Variants in CALD1 observed in about 807,000 individuals in gnomAD.
The protein encoded by CALD1 is caldesmon 1.
Under a neutral mutation model 99.9 loss-of-function variants are expected in CALD1, and 33 were observed. The observed-to-expected ratio is 0.33, with a 90% CI of 0.25 to 0.44. The LOEUF is 0.44. Ranked by LOEUF, CALD1 falls within the 20% of genes least tolerant of loss-of-function variation. The pLI is 1.00. For synonymous variants in CALD1, 310 were observed against 325.0 expected, an observed-to-expected ratio of 0.95 and a Z score of 0.50; for missense variants, 861 against 962.1, an observed-to-expected ratio of 0.89 and a Z score of 1.39.
chr7:134,861,317 G>A (rs940174220), intron 2 of CALD1, among the ~76,000 whole-genome samples: 3 of 152,186 alleles, frequency 2.0e-5, no homozygotes, highest in African/African-American at 7.2e-5. Flanking sequence ...CAAGGTAAGC[G>A]ATGATCATTG....
At chr7:134,821,767 G>A (rs112747161) in intron 1 of CALD1, among the ~76,000 whole-genome samples, 3 of 151,926 alleles carry the variant, frequency 2.0e-5, no homozygotes, top group African/African-American at 7.3e-5. Context: ...ATTTTTAGTA[G>A]AGATGGGGTT....
chr7:134,751,926 A>T (rs1030612750), intron 1 of CALD1, among the ~76,000 whole-genome samples: 3 of 152,160 alleles, frequency 2.0e-5, no homozygotes, highest in African/African-American at 7.2e-5. Context: ...CAGTGAGCCG[A>T]GATCGTGCCA....
chr7:134,766,923 TA>T (rs1412894866), intron 1 of CALD1, among the ~76,000 whole-genome samples: 2 of 152,106 alleles, frequency 1.3e-5, no homozygotes, highest in African/African-American at 2.4e-5. Context: ...GGCTGCTTCA[TA>T]AACTAATCAT....
intron 3 of CALD1, among the ~76,000 whole-genome samples, chr7:134,889,772 T>A (rs1294329902): frequency 6.6e-6 from 1 of 152,216 alleles, no homozygotes; most frequent in Non-Finnish European, 1.5e-5. Context: ...GCTACTTTCA[T>A]CAATATATGT....
rs765356405 is a variant in CALD1, at chr7:134,947,739, G to A, written c.1764G>A (p.Gln588=). The A allele has an allele frequency of 6.8e-6, 11 of 1,614,026 alleles. No individual in the cohort carries two copies. The highest frequency in any genetic ancestry group is 3.3e-4 in the Middle Eastern group (2 of 6,022). Residue 588 remains glutamine, a synonymous_variant, in exon 8 of 15, where the codon CAG becomes CAA. Transcript: ENST00000361675. ...AGGAGGAAGAGCAGAGGAGGAAGCA[G>A]GAGGAAGCCGATCGAAAACTCAGAG... The part of the protein sequence containing the change: ...VLEEEEQRRK[Q]EEADRKLREE...
chr7:134,938,248 C>T (rs1256237587), intron 6 of CALD1, among the ~76,000 whole-genome samples: 1 of 152,162 alleles, frequency 6.6e-6, no homozygotes, highest in Admixed American at 6.5e-5. Flanking sequence ...AGTAGCTACA[C>T]CCAGCTCTTG....
At chr7:134,757,466 A>G (rs1796739628) in intron 1 of CALD1, among the ~76,000 whole-genome samples, 1 of 152,210 alleles carries the variant, frequency 6.6e-6, no homozygotes, top group African/African-American at 2.4e-5. Flanking sequence ...TGAAGACCTC[A>G]TTCCACAGAC....
chr7:134,813,735 G>A (rs1192576944), intron 1 of CALD1, among the ~76,000 whole-genome samples: 1 of 152,198 alleles, frequency 6.6e-6, no homozygotes, highest in Non-Finnish European at 1.5e-5. Flanking sequence ...GACTTGCCAG[G>A]TAGCACTAAG....
chr7:134,722,052 G>A, the CALD1 span, among the ~76,000 whole-genome samples: 13 of 152,242 alleles, frequency 8.5e-5, no homozygotes, highest in South Asian at 2.1e-4. Flanking sequence ...CTAGAGCACA[G>A]CTAAAACATT....
intron 4 of CALD1, among the ~76,000 whole-genome samples, chr7:134,931,376 G>C (rs1805511313): frequency 6.6e-6 from 1 of 152,116 alleles, no homozygotes; most frequent in African/African-American, 2.4e-5. Context: ...CCCCTCTATA[G>C]ACTTCCCCTT....
intron 7 of CALD1, among the ~76,000 whole-genome samples, chr7:134,943,059 G>C (rs1806577842): frequency 6.6e-6 from 1 of 152,102 alleles, no homozygotes; most frequent in Non-Finnish European, 1.5e-5. Flanking sequence ...TTTTTGTTTA[G>C]CCACCAACGT....
chr7:134,802,140 A>ATT (rs1797970309), intron 1 of CALD1, among the ~76,000 whole-genome samples: 1 of 151,728 alleles, frequency 6.6e-6, no homozygotes, highest in African/African-American at 2.4e-5. Context: ...GTCTATATAT[A>ATT]AGGTATAAGT....
upstream of CALD1, chr7:134,779,404 G>T (rs952377465): frequency 2.9e-6 from 1 of 348,172 alleles, no homozygotes; most frequent in Non-Finnish European, 5.1e-6. Context: ...TTTAGGTCTT[G>T]GGTTTTCTGA....
chr7:134,966,019 G>C (rs1191349688), intron 14 of CALD1, among the ~76,000 whole-genome samples: 1 of 152,004 alleles, frequency 6.6e-6, no homozygotes, highest in African/African-American at 2.4e-5. Context: ...GACCCTTTGT[G>C]GTACAATGAG....
rs34026828 is a variant in CALD1 at position 134,767,195 on chromosome 7, C to CTGTGTG, written c.-130+22857_-130+22862dup. ...ACACACACTCTCTCTCTCTCTGTCT[C>CTGTGTG]TGTGTGTGTGTGTGTGTGTGTGTGT... On this transcript the variant is annotated intron_variant, in intron 1 of 13. Coordinates refer to the CALD1 transcript ENST00000417172. Among the ~76,000 whole-genome samples the CTGTGTG allele has an allele frequency of 7.6e-3, 1,136 of 148,994 alleles. 4 individuals are homozygous for CTGTGTG. The highest frequency in any genetic ancestry group is 0.011 in the Non-Finnish European group (714 of 67,162).
At chr7:134,962,691 A>T in intron 13 of CALD1, 1 of 376,764 alleles carries the variant, frequency 2.7e-6, no homozygotes, top group South Asian at 2.0e-5. Flanking sequence ...ACTGCAATTC[A>T]ATTCTGAGTA....
intron 3 of CALD1, among the ~76,000 whole-genome samples, chr7:134,911,198 C>CTTTTTTTTTTT (rs964515625): frequency 8.5e-6 from 1 of 118,122 alleles, no homozygotes; most frequent in Non-Finnish European, 1.8e-5. Context: ...TTTCCTTTTT[C>CTTTTTTTTTTT]TTTTTTTTTT....
chr7:134,713,776 C>T, the CALD1 span, among the ~76,000 whole-genome samples: 14 of 152,214 alleles, frequency 9.2e-5, no homozygotes, highest in African/African-American at 1.4e-4. Context: ...AGAAAATGCA[C>T]GCCCAAACTC....
chr7:134,957,802 T>G (rs189383495), intron 9 of CALD1, among the ~76,000 whole-genome samples: 5 of 152,214 alleles, frequency 3.3e-5, no homozygotes, highest in Admixed American at 1.3e-4. Context: ...TTCTGTCTGG[T>G]CTTTATTTTG....
Sources: allele counts gnomAD v4.1 joint callset (sites outside exome capture counted in the v4.1 genomes callset), GRCh38; gene constraint gnomAD v4.1.1; transcripts MANE v1.5; gene names NCBI Gene and HGNC (gene_info 2026-07-23, HGNC 2026-07-21).